The following ARMC2 variants were observed in gnomAD, a reference collection of about 807,000 sequenced individuals.
ARMC2 encodes armadillo repeat containing 2.
Under a neutral mutation model 90.3 loss-of-function variants are expected in ARMC2, and 67 were observed. The observed-to-expected ratio is 0.74, with a 90% confidence interval of 0.61 to 0.91. The LOEUF (loss-of-function observed/expected upper bound fraction) is 0.91. Among genes scored for constraint, ARMC2 ranks in the 40% least tolerant of loss-of-function variants. The pLI, the probability that ARMC2 is intolerant of heterozygous loss-of-function variation, is 0.00. For missense variants in ARMC2, 920 were observed against 1,030.9 expected, an observed-to-expected ratio of 0.89 and a Z score of 1.47; for synonymous variants, 393 against 393.0, an observed-to-expected ratio of 1.00 and a Z score of 0.00.
intron 12 of ARMC2, among the ~76,000 whole-genome samples, chr6:108,939,317 T>C (rs1776243549): frequency 6.6e-6 from 1 of 152,180 alleles, no homozygotes; most frequent in Non-Finnish European, 1.5e-5. Context: ...TCCTGTTGAA[T>C]TGTAATCCCC....
the ARMC2 span, among the ~76,000 whole-genome samples, chr6:109,010,905 T>C: frequency 6.6e-6 from 1 of 152,180 alleles, no homozygotes; most frequent in Non-Finnish European, 1.5e-5. Flanking sequence ...TGCAGCAATA[T>C]GACATACCCT....
At chr6:108,960,918 G>T (rs1225083487) in intron 13 of ARMC2, among the ~76,000 whole-genome samples, 2 of 152,184 alleles carry the variant, frequency 1.3e-5, no homozygotes, top group South Asian at 2.1e-4. Flanking sequence ...ATAAGGCCTG[G>T]AGCTGCCAGG....
the ARMC2 span, among the ~76,000 whole-genome samples, chr6:108,990,243 A>C: frequency 6.6e-6 from 1 of 152,230 alleles, no homozygotes; most frequent in Non-Finnish European, 1.5e-5. Context: ...CCTCAGAAGG[A>C]GCCTAAGAAC....
the ARMC2 span, among the ~76,000 whole-genome samples, chr6:109,030,506 C>T: frequency 6.6e-6 from 1 of 152,076 alleles, no homozygotes; most frequent in African/African-American, 2.4e-5. Context: ...ATATTCTATT[C>T]TTAGCTGCCT....
the ARMC2 span, chr6:108,992,732 T>C: frequency 8.8e-7 from 1 of 1,132,084 alleles, no homozygotes; most frequent in Admixed American, 1.7e-5. Flanking sequence ...TTTTGTATTT[T>C]AAGTCAGACT....
intron 4 of ARMC2, among the ~76,000 whole-genome samples, chr6:108,871,394 C>T (rs1030828773): frequency 2.6e-5 from 4 of 152,112 alleles, no homozygotes; most frequent in African/African-American, 4.8e-5. Context: ...CCCCCCGCAA[C>T]CCGAGTCCCG....
the ARMC2 span, among the ~76,000 whole-genome samples, chr6:109,045,291 CT>C: frequency 0.1 from 15,204 of 152,224 alleles, 919 homozygotes; most frequent in Middle Eastern, 0.19. Context: ...CACCATGTCT[CT>C]CCCAGATTAG....
chr6:108,952,910 C>A, intron 12 of ARMC2, 123 bp from the exon 13 acceptor site: 2 of 955,190 alleles, frequency 2.1e-6, no homozygotes, highest in Non-Finnish European at 3.1e-6. Flanking sequence ...TACAAGTGAG[C>A]CGAAGCCAGA....
chr6:108,876,248 G>A lies in ARMC2; in HGVS notation c.569G>A (p.Ser190Asn). The A allele has an allele frequency of 6.2e-7, 1 of 1,613,262 alleles. No individual in the cohort carries two copies. Reference sequence around the variant, plus strand: ...TCAAATGCTATTTGCCACTTAAAGAGTCACCCACTTCAGCTAACTGATGAT... The same window carrying A: ...TCAAATGCTATTTGCCACTTAAAGAATCACCCACTTCAGCTAACTGATGAT... ...TKSNAICHLK[S>N]HPLQLTDDGG... Residue 190 changes from serine (S) to asparagine (N), a missense_variant, in exon 5 of 18, where the codon AGT becomes AAT. Coordinates refer to ENST00000392644, the MANE Select transcript of ARMC2 (RefSeq NM_032131.6).
At chr6:108,988,615 AAC>A in the ARMC2 span, 1 of 1,613,250 alleles carries the variant, frequency 6.2e-7, no homozygotes, top group Non-Finnish European at 8.5e-7. Context: ...GAGTGCAAAC[AAC>A]AGTTTTGATA....
intron 4 of ARMC2, among the ~76,000 whole-genome samples, chr6:108,874,529 A>G (rs1306926290): frequency 6.6e-6 from 1 of 152,246 alleles, no homozygotes; most frequent in African/African-American, 2.4e-5. Context: ...AGAGAGCCCT[A>G]GCCCAGAAGT....
At chr6:108,875,033 G>T (rs1434689569) in intron 4 of ARMC2, among the ~76,000 whole-genome samples, 1 of 152,140 alleles carries the variant, frequency 6.6e-6, no homozygotes. Flanking sequence ...TTGCAAAACA[G>T]TAAGTATTTT....
intron 5 of ARMC2, among the ~76,000 whole-genome samples, chr6:108,892,530 C>G (rs1771173546): frequency 6.6e-6 from 1 of 151,936 alleles, no homozygotes; most frequent in Non-Finnish European, 1.5e-5. Flanking sequence ...GAGGCCGAGG[C>G]AGGCGGATCA....
intron 10 of ARMC2, among the ~76,000 whole-genome samples, chr6:108,924,384 G>T (rs758195361): frequency 6.6e-5 from 10 of 152,152 alleles, no homozygotes; most frequent in Non-Finnish European, 1.3e-4. Context: ...AGGGTGTGGT[G>T]GTGCTTGCCT....
rs558253011 is a variant in ARMC2 at position 108,890,175 on chromosome 6, G to C, written c.672-4292G>C. 9.6e-3 allele frequency among the ~76,000 whole-genome samples: 1,015 copies of C among 105,922 alleles called. 5 individuals carry two copies. Among genetic ancestry groups the C allele is most frequent in the Non-Finnish European group, 0.013 (747 of 57,828 alleles). The allele number at this position is 105,922 out of a possible 152,430, so 69.5% of individuals were successfully genotyped here. A position where few individuals can be genotyped will look rare whatever the true frequency, so the allele number is the denominator to read the frequency against. On this transcript the variant is annotated intron_variant, in intron 5 of 17. Coordinates refer to ENST00000392644, the MANE Select transcript of ARMC2 (RefSeq NM_032131.6). The stretch of plus-strand genomic sequence containing the variant: ...ACTGCACTCCAGCCTGGGTGACAGA[G>C]CGAGACTCCGTCTCAAAAAAAAAAA...
chr6:108,982,066 A>G, the ARMC2 span, among the ~76,000 whole-genome samples: 2 of 152,240 alleles, frequency 1.3e-5, no homozygotes, highest in Non-Finnish European at 2.9e-5. Context: ...GGTTGCCTCC[A>G]TATCATGGGT....
chr6:109,009,187 G>T, the ARMC2 span, among the ~76,000 whole-genome samples: 1 of 152,222 alleles, frequency 6.6e-6, no homozygotes, highest in East Asian at 1.9e-4. Context: ...AGGGGCGCAG[G>T]AGGGCCGGGA....
At chr6:109,011,161 G>C in the ARMC2 span, among the ~76,000 whole-genome samples, 1 of 152,166 alleles carries the variant, frequency 6.6e-6, no homozygotes, top group African/African-American at 2.4e-5. Context: ...TGAGAGGCAA[G>C]GGAAAAGCAT....
the ARMC2 span, among the ~76,000 whole-genome samples, chr6:109,031,710 C>T: frequency 6.6e-6 from 1 of 152,150 alleles, no homozygotes; most frequent in Admixed American, 6.5e-5. Flanking sequence ...AATGGCCCAT[C>T]TTTTTCCAAC....
Sources: allele counts gnomAD v4.1 joint callset (sites outside exome capture counted in the v4.1 genomes callset), GRCh38; gene constraint gnomAD v4.1.1; transcripts MANE v1.5; gene names NCBI Gene and HGNC (gene_info 2026-07-23, HGNC 2026-07-21).